The following SDCCAG8 variants were observed in gnomAD, a reference collection of about 807,000 sequenced individuals.
SDCCAG8 encodes the protein SHH signaling and ciliogenesis regulator SDCCAG8.
A neutral mutation model predicts 101.8 loss-of-function variants in SDCCAG8; 74 were observed. That is an observed-to-expected ratio of 0.73 (90% CI 0.60 to 0.88). SDCCAG8 has a LOEUF of 0.88. Among genes scored for constraint, SDCCAG8 ranks in the 40% least tolerant of loss-of-function variants. The pLI is 0.00. For missense variants in SDCCAG8, 787 were observed against 822.6 expected (o/e 0.96, Z 0.53); for synonymous variants, 281 against 292.9 (o/e 0.96, Z 0.41).
intron 12 of SDCCAG8, among the ~76,000 whole-genome samples, chr1:243,349,398 A>G (rs149456347): frequency 1.1e-4 from 17 of 152,364 alleles, no homozygotes; most frequent in African/African-American, 3.4e-4. Context: ...CAACAACAGC[A>G]GAGTTGAGGA....
chr1:243,260,309 C>T (rs879667141), intron 1 of SDCCAG8, among the ~76,000 whole-genome samples: 2 of 152,162 alleles, frequency 1.3e-5, no homozygotes, highest in Non-Finnish European at 2.9e-5. Context: ...TTTGGGAGGT[C>T]TCTTGGCAGT....
chr1:243,483,939 A>C (rs999403201), intron 16 of SDCCAG8, among the ~76,000 whole-genome samples: 2 of 152,130 alleles, frequency 1.3e-5, no homozygotes, highest in South Asian at 4.1e-4. Flanking sequence ...CCACACTGAC[A>C]ATCTTTGCCA....
At position 243,308,133 on chromosome 1, in the gene SDCCAG8, A is replaced by G; in HGVS notation, c.885A>G (p.Gln295=). 1 of 1,614,194 alleles carries G rather than the reference A, an allele frequency of 6.2e-7. No homozygotes were observed. The highest frequency in any genetic ancestry group is 1.1e-5 in the South Asian group (1 of 91,088). The change falls in exon 8 of 18, where the codon CAA becomes CAG. Residue 295 remains glutamine (Q), a synonymous_variant. Coordinates refer to ENST00000366541, the MANE Select transcript of SDCCAG8 (RefSeq NM_006642.5). ...CTCAGCATGAAGCTGTTCTTTCCCA[A>G]ACCCATACTAATGTTCATATGCAGA... ...KCAQHEAVLS[Q]THTNVHMQTI...
In SDCCAG8 at chr1:243,316,835, A is replaced by G. The variant is rs771991355; in HGVS notation, c.1010A>G (p.Tyr337Cys). 6 of 1,614,240 alleles carry G rather than the reference A, an allele frequency of 3.7e-6. No homozygotes were observed. Among genetic ancestry groups the G allele is most frequent in the Middle Eastern group, 1.6e-4 (1 of 6,062 alleles). Reference protein sequence around the residue: ...ADTQQREASAYEQVKQVLQIS... With the variant: ...ADTQQREASACEQVKQVLQIS... The stretch of plus-strand genomic sequence containing the variant: ...ACGCAGCAAAGAGAAGCAAGTGCTT[A>G]TGAACAGGTGAAACAAGTTTTGCAA... Residue 337 changes from tyrosine to cysteine, a missense_variant, in exon 9 of 18, where the codon TAT becomes TGT. Transcript: ENST00000366541.
At chr1:243,324,174 ACT>A (rs1035110234) in intron 9 of SDCCAG8, among the ~76,000 whole-genome samples, 1 of 151,936 alleles carries the variant, frequency 6.6e-6, no homozygotes, top group African/African-American at 2.4e-5. Context: ...GGCGTCTGAA[ACT>A]CTACACAACC....
chr1:243,401,897 AT>A (rs1260012167), intron 13 of SDCCAG8, among the ~76,000 whole-genome samples: 1 of 152,202 alleles, frequency 6.6e-6, no homozygotes, highest in Admixed American at 6.5e-5. Context: ...AAAAAAGGTC[AT>A]TTTAATAGTT....
intron 17 of SDCCAG8, among the ~76,000 whole-genome samples, chr1:243,489,754 G>A (rs1035854575): frequency 2.6e-5 from 4 of 152,170 alleles, no homozygotes; most frequent in East Asian, 1.9e-4. Context: ...GCCCAGACAA[G>A]CATTACAGCT....
At chr1:243,450,608 T>C (rs1227609192) in intron 16 of SDCCAG8, among the ~76,000 whole-genome samples, 2 of 152,196 alleles carry the variant, frequency 1.3e-5, no homozygotes, top group African/African-American at 4.8e-5. Context: ...GCATAGGGTA[T>C]GTATAACCTG....
At chr1:243,498,725 T>G (rs9428576) in intron 17 of SDCCAG8, among the ~76,000 whole-genome samples, 1 of 152,128 alleles carries the variant, frequency 6.6e-6, no homozygotes, top group Non-Finnish European at 1.5e-5. Context: ...GAAATCCCCA[T>G]GTTAATGATG....
intron 16 of SDCCAG8, among the ~76,000 whole-genome samples, chr1:243,441,034 G>C (rs181678679): frequency 6.6e-6 from 1 of 152,208 alleles, no homozygotes; most frequent in East Asian, 1.9e-4. Flanking sequence ...ATGAACATGG[G>C]CCAAACCATT....
At chr1:243,328,055 G>A (rs547364158) in intron 9 of SDCCAG8, among the ~76,000 whole-genome samples, 10 of 150,342 alleles carry the variant, frequency 6.7e-5, no homozygotes, top group African/African-American at 9.8e-5. Flanking sequence ...GGTGCCCGCC[G>A]CCACACCCGG....
chr1:243,434,213 G>A (rs2081989437), intron 16 of SDCCAG8, among the ~76,000 whole-genome samples: 1 of 152,122 alleles, frequency 6.6e-6, no homozygotes, highest in Admixed American at 6.5e-5. Context: ...TTTAAGTCCC[G>A]TATGACTTGT....
intron 13 of SDCCAG8, among the ~76,000 whole-genome samples, chr1:243,397,241 G>A (rs760151072): frequency 6.6e-6 from 1 of 152,150 alleles, no homozygotes; most frequent in Non-Finnish European, 1.5e-5. Flanking sequence ...CTGCACAGTG[G>A]GGTAGCTAAC....
Position 243,330,628 on chromosome 1 carries a change from G to C in SDCCAG8, c.1157G>C (p.Arg386Thr). 6.2e-7 allele frequency: 1 copy of C among 1,613,990 alleles called. No homozygotes were observed. The highest frequency in any genetic ancestry group is 8.5e-7 in the Non-Finnish European group (1 of 1,179,984). ...EKELASQQEK[R>T]AIEKDMMKKE... ...GAACTTGCATCTCAGCAAGAGAAAAGGGCCATTGAGAAAGACATGATGAAA... is the reference window on the plus strand; with the variant it reads ...GAACTTGCATCTCAGCAAGAGAAAACGGCCATTGAGAAAGACATGATGAAA... Residue 386 changes from arginine to threonine, a missense_variant, in exon 10 of 18, where the codon AGG becomes ACG. Coordinates refer to ENST00000366541, the MANE Select transcript of SDCCAG8 (RefSeq NM_006642.5).
intron 16 of SDCCAG8, among the ~76,000 whole-genome samples, chr1:243,434,005 T>C (rs145687267): frequency 6.6e-6 from 1 of 152,352 alleles, no homozygotes; most frequent in East Asian, 1.9e-4. Context: ...GAAAGGATTC[T>C]AATTATTACT....
chr1:243,376,816 T>G (rs2077625290), intron 12 of SDCCAG8, among the ~76,000 whole-genome samples: 2 of 152,184 alleles, frequency 1.3e-5, no homozygotes, highest in African/African-American at 4.8e-5. Context: ...TTAAACTGAT[T>G]GTACACATTG....
At chr1:243,406,543 C>T (rs2079796968) in intron 13 of SDCCAG8, among the ~76,000 whole-genome samples, 1 of 152,168 alleles carries the variant, frequency 6.6e-6, no homozygotes, top group African/African-American at 2.4e-5. Context: ...GTCCCTTCCC[C>T]ATCTGTTCCC....
rs779580033 is a variant in SDCCAG8 at position 243,293,340 on chromosome 1, C to T, written c.675+121C>T. The T allele has an allele frequency of 9.0e-6, 9 of 999,590 alleles. No homozygotes were observed. In the Admixed American group the frequency reaches 1.6e-4, roughly 18 times the overall value. The allele number at this position is 999,590 out of a possible 1,614,324, so 61.9% of individuals were successfully genotyped here. ...ACCATTATAACCATTTTTAAGCGTA[C>T]AGTTTATCTGCATTAAGTACATTCA... On this transcript the variant is annotated intron_variant, in intron 6 of 17. Transcript: ENST00000366541.
intron 11 of SDCCAG8, among the ~76,000 whole-genome samples, chr1:243,343,531 C>T (rs993569799): frequency 1.3e-5 from 2 of 152,090 alleles, no homozygotes; most frequent in Non-Finnish European, 2.9e-5. Context: ...TTATTGGTGC[C>T]GTATTACAAT....
Sources: gnomAD v4.1 joint callset for allele counts (sites outside exome capture counted in the v4.1 genomes callset) on GRCh38, gnomAD v4.1.1 for gene constraint, MANE v1.5 for transcripts, NCBI Gene and HGNC (gene_info 2026-07-23, HGNC 2026-07-21) for gene names.